Variants in GRIK1 observed in about 807,000 individuals in gnomAD.
The protein encoded by GRIK1 is glutamate ionotropic receptor kainate type subunit 1.
In GRIK1, 69 loss-of-function variants were observed where a neutral mutation model predicts 105.7. The ratio of observed to expected loss-of-function variants is 0.65; its 90% confidence interval spans 0.54 to 0.80. The LOEUF (loss-of-function observed/expected upper bound fraction) is 0.80. GRIK1 is among the 30% of genes least tolerant of loss of function. The pLI is 0.00. For missense variants in GRIK1, 1,109 were observed against 1,167.3 expected (o/e 0.95, Z 0.73); for synonymous variants, 438 against 431.3 (o/e 1.02, Z -0.19).
intron 7 of GRIK1, among the ~76,000 whole-genome samples, chr21:29,627,304 A>T (rs1024755611): frequency 2.0e-5 from 3 of 152,228 alleles, no homozygotes; most frequent in Non-Finnish European, 2.9e-5. Flanking sequence ...CATTTGGTAG[A>T]TATCCAAAAT....
At chr21:29,938,302 G>A (rs563655747) in intron 1 of GRIK1, among the ~76,000 whole-genome samples, 28 of 152,232 alleles carry the variant, frequency 1.8e-4, no homozygotes, top group Non-Finnish European at 3.7e-4. Context: ...GAAAGTGGAA[G>A]ATGGGAGAAA....
At chr21:29,546,610 A>G (rs1312251408) in intron 16 of GRIK1, among the ~76,000 whole-genome samples, 2 of 152,220 alleles carry the variant, frequency 1.3e-5, no homozygotes, top group Non-Finnish European at 2.9e-5. Context: ...TAATGGTCAG[A>G]ATCTGGTCTG....
Position 29,699,402 on chromosome 21 carries a change from G to C in GRIK1, c.119-5339C>G, listed in dbSNP as rs183576517. Among the ~76,000 whole-genome samples, 581 of 152,214 alleles carry C rather than the reference G, an allele frequency of 3.8e-3. 2 individuals are homozygous for C. The highest frequency in any genetic ancestry group is 0.013 in the African/African-American group (542 of 41,530). ...AAATCTGGACACACAGATATACCAGGGACTTGTGCACACAGAGGAAAGGCC... is the reference window on the plus strand; with the variant it reads ...AAATCTGGACACACAGATATACCAGCGACTTGTGCACACAGAGGAAAGGCC... On this transcript the variant is annotated intron_variant, in intron 1 of 17. Coordinates refer to ENST00000327783, the MANE Select transcript of GRIK1 (RefSeq NM_001330994.2).
intron 7 of GRIK1, among the ~76,000 whole-genome samples, chr21:29,621,805 C>T (rs909043970): frequency 3.9e-5 from 6 of 152,232 alleles, no homozygotes; most frequent in Admixed American, 6.5e-5. Context: ...ATAGATACAA[C>T]ATCCACTTTA....
intron 1 of GRIK1, among the ~76,000 whole-genome samples, chr21:29,852,574 C>T (rs886207051): frequency 9.9e-5 from 15 of 152,056 alleles, no homozygotes; most frequent in Non-Finnish European, 1.8e-4. Flanking sequence ...TCCTAGTGGG[C>T]ACATTGTAGG....
At chr21:29,587,964 C>CA (rs1223382622) in intron 11 of GRIK1, among the ~76,000 whole-genome samples, 13 of 65,410 alleles carry the variant, frequency 2.0e-4, no homozygotes, top group South Asian at 7.2e-4. Context: ...CTTTAAAATT[C>CA]TTTTTTTTTT....
rs375145652 is a variant in GRIK1, at chr21:29,587,551, G to A, written c.1608C>T (p.Tyr536=). ...DLAVAPLTIT[Y]VREKVIDFSK... ...AGAAGTCAATGACTTTCTCCCGCAC[G>A]TAGGTGATGGTAAGAGGAGCCACTG... Residue 536 remains tyrosine (Y), a synonymous_variant, in exon 12 of 18, where the codon TAC becomes TAT. Coordinates refer to ENST00000327783, the MANE Select transcript of GRIK1 (RefSeq NM_001330994.2). The A allele has an allele frequency of 4.6e-5, 75 of 1,613,180 alleles. No homozygotes were observed. Among genetic ancestry groups the A allele is most frequent in the African/African-American group, 1.2e-4 (9 of 74,916 alleles).
intron 1 of GRIK1, among the ~76,000 whole-genome samples, chr21:29,738,965 A>G (rs1384821589): frequency 1.3e-5 from 2 of 152,178 alleles, no homozygotes; most frequent in Non-Finnish European, 2.9e-5. Context: ...CAAATTAGAC[A>G]TTTTCTTATT....
chr21:29,865,276 C>A (rs1444198403), intron 1 of GRIK1, among the ~76,000 whole-genome samples: 1 of 146,796 alleles, frequency 6.8e-6, no homozygotes, highest in Admixed American at 7.0e-5. Context: ...TCAGACATAA[C>A]TGTGATTATT....
chr21:29,930,007 A>G (rs909869955), intron 1 of GRIK1, among the ~76,000 whole-genome samples: 3 of 152,208 alleles, frequency 2.0e-5, no homozygotes, highest in African/African-American at 7.2e-5. Context: ...AAATCCTGTC[A>G]TTTGCTGCAA....
At chr21:29,615,417 C>T (rs2300309) in intron 7 of GRIK1, among the ~76,000 whole-genome samples, 9,982 of 152,180 alleles carry the variant, frequency 0.066, 647 homozygotes, top group East Asian at 0.16. Flanking sequence ...TCAAGTGATT[C>T]TCCTTCCTCA....
intron 1 of GRIK1, among the ~76,000 whole-genome samples, chr21:29,933,327 G>A (rs979888303): frequency 1.3e-5 from 2 of 152,168 alleles, no homozygotes; most frequent in Non-Finnish European, 2.9e-5. Flanking sequence ...TGCTGAAATT[G>A]CAGTGGTGTT....
At chr21:29,872,007 A>G (rs1048833064) in intron 1 of GRIK1, among the ~76,000 whole-genome samples, 4 of 147,370 alleles carry the variant, frequency 2.7e-5, no homozygotes, top group African/African-American at 9.8e-5. Context: ...CAAGCAATCC[A>G]TCCACCCCAG....
intron 16 of GRIK1, among the ~76,000 whole-genome samples, chr21:29,543,241 A>T (rs1428018709): frequency 1.3e-5 from 2 of 152,188 alleles, no homozygotes; most frequent in Non-Finnish European, 2.9e-5. Context: ...GTGTAGGAGC[A>T]AACCTAGGAT....
At chr21:29,834,804 ATT>A (rs2067738853) in intron 1 of GRIK1, among the ~76,000 whole-genome samples, 1 of 150,414 alleles carries the variant, frequency 6.6e-6, no homozygotes, top group Non-Finnish European at 1.5e-5. Context: ...GATTTTATTT[ATT>A]CAATATTAAT....
chr21:29,782,661 C>G (rs1460550449), intron 1 of GRIK1, among the ~76,000 whole-genome samples: 1 of 152,170 alleles, frequency 6.6e-6, no homozygotes, highest in African/African-American at 2.4e-5. Flanking sequence ...ACTTATTTCA[C>G]ATAAAACGGG....
At chr21:29,542,577 C>A (rs76919874) in intron 16 of GRIK1, among the ~76,000 whole-genome samples, 2 of 152,070 alleles carry the variant, frequency 1.3e-5, no homozygotes. Context: ...TTGCAGTATT[C>A]AAAAAACTAG....
chr21:29,934,504 T>A (rs1027687276), intron 1 of GRIK1, among the ~76,000 whole-genome samples: 8 of 152,140 alleles, frequency 5.3e-5, no homozygotes, highest in African/African-American at 1.4e-4. Flanking sequence ...AAATACAGTG[T>A]ATACTAAGCT....
intron 1 of GRIK1, among the ~76,000 whole-genome samples, chr21:29,781,026 T>A (rs182290903): frequency 6.6e-6 from 1 of 152,078 alleles, no homozygotes; most frequent in South Asian, 2.1e-4. Flanking sequence ...AAAAGAAGTA[T>A]TAAGAAAAGT....
Sources: gnomAD v4.1 joint callset for allele counts (sites outside exome capture counted in the v4.1 genomes callset) on GRCh38, gnomAD v4.1.1 for gene constraint, MANE v1.5 for transcripts, NCBI Gene and HGNC (gene_info 2026-07-23, HGNC 2026-07-21) for gene names.